The following ARHGAP26 variants were observed in gnomAD, a reference collection of about 807,000 sequenced individuals.
ARHGAP26 encodes Rho GTPase activating protein 26.
ARHGAP26 carries 38 observed loss-of-function variants against 104.8 expected under a neutral mutation model. The observed-to-expected ratio is 0.36, with a 90% CI of 0.28 to 0.48. The LOEUF (loss-of-function observed/expected upper bound fraction) is 0.48, where lower values mean the gene tolerates loss of function less well. Among genes scored for constraint, ARHGAP26 ranks in the 20% least tolerant of loss-of-function variants. The probability of loss-of-function intolerance (pLI) is 0.99; values close to 1 mark genes in which losing one functional copy is unlikely to be tolerated. For synonymous variants in ARHGAP26, 341 were observed against 340.0 expected, an observed-to-expected ratio of 1.00 and a Z score of -0.03; for missense variants, 704 against 947.9, an observed-to-expected ratio of 0.74 and a Z score of 3.38.
chr5:143,132,164 C>T (rs1035599467), intron 18 of ARHGAP26, among the ~76,000 whole-genome samples: 3 of 152,052 alleles, frequency 2.0e-5, no homozygotes, highest in East Asian at 1.9e-4. Context: ...AGCTGTGTTT[C>T]GGAGTGAGAC....
chr5:143,017,614 T>TAATAAATGGTTCTGGGTC (rs1779767177), intron 12 of ARHGAP26, among the ~76,000 whole-genome samples: 1 of 152,246 alleles, frequency 6.6e-6, no homozygotes, highest in Non-Finnish European at 1.5e-5. Flanking sequence ...TGGTGTGTGT[T>TAATAAATGGTTCTGGGTC]AATAAATGGT....
At chr5:142,865,440 G>T (rs7726056) in intron 1 of ARHGAP26, among the ~76,000 whole-genome samples, 3 of 149,622 alleles carry the variant, frequency 2.0e-5, no homozygotes, top group East Asian at 3.9e-4. Context: ...TGTATAAGTC[G>T]TAGTGGGCCC....
At chr5:143,176,473 C>T (rs768698155) in intron 20 of ARHGAP26, among the ~76,000 whole-genome samples, 15 of 152,186 alleles carry the variant, frequency 9.9e-5, no homozygotes, top group Non-Finnish European at 1.3e-4. Flanking sequence ...TGTTTGTTTT[C>T]GAGAGTTTTT....
At chr5:142,876,501 T>C (rs1201166573) in intron 3 of ARHGAP26, among the ~76,000 whole-genome samples, 1 of 151,904 alleles carries the variant, frequency 6.6e-6, no homozygotes, top group East Asian at 1.9e-4. Context: ...GGGGGCCAGG[T>C]GTGGTGGCTC....
At chr5:142,911,332 C>T (rs1021822042) in intron 9 of ARHGAP26, among the ~76,000 whole-genome samples, 1 of 152,168 alleles carries the variant, frequency 6.6e-6, no homozygotes, top group African/African-American at 2.4e-5. Flanking sequence ...GGCTTCTAGC[C>T]ACACCAGCTG....
intron 11 of ARHGAP26, among the ~76,000 whole-genome samples, chr5:142,936,661 A>T (rs1765462468): frequency 1.3e-5 from 2 of 152,182 alleles, no homozygotes; most frequent in Non-Finnish European, 1.5e-5. Flanking sequence ...TGTGGTATTG[A>T]CAGAGGGATA....
chr5:142,875,201 A>G (rs999304668), intron 3 of ARHGAP26, 30 bp downstream of exon 3: 5 of 1,608,276 alleles, frequency 3.1e-6, no homozygotes, highest in Non-Finnish European at 4.3e-6. Flanking sequence ...TCTTGGTCCC[A>G]GATAGTATAT....
intron 11 of ARHGAP26, among the ~76,000 whole-genome samples, chr5:142,969,600 C>T (rs1479488805): frequency 2.6e-5 from 4 of 152,130 alleles, no homozygotes; most frequent in Non-Finnish European, 5.9e-5. Flanking sequence ...GAATAATGTT[C>T]GTTTAACTGA....
At position 143,222,473 on chromosome 5, in the gene ARHGAP26, CT is replaced by C; in HGVS notation, c.*30del. The C allele has an allele frequency of 6.5e-7, 1 of 1,546,786 alleles. No individual in the cohort carries two copies. The highest frequency in any genetic ancestry group is 8.8e-7 in the Non-Finnish European group (1 of 1,134,018). On this transcript the variant is annotated 3_prime_UTR_variant, in exon 23 of 23. Transcript: ENST00000645722. ...CGTGGGCCCCAGCAGAACTGCTGAG[CT>C]TTACATGGTATCCATGACAACTGCT... is the stretch of plus-strand genomic sequence containing the variant.
intron 11 of ARHGAP26, among the ~76,000 whole-genome samples, chr5:143,007,533 A>T (rs1217577813): frequency 6.6e-6 from 1 of 152,206 alleles, no homozygotes; most frequent in African/African-American, 2.4e-5. Flanking sequence ...GTTAATTGGC[A>T]GGCTGTTTTT....
intron 11 of ARHGAP26, among the ~76,000 whole-genome samples, chr5:142,996,657 T>C (rs543309183): frequency 2.6e-5 from 4 of 152,194 alleles, no homozygotes; most frequent in South Asian, 2.1e-4. Flanking sequence ...CCCTTCTTGG[T>C]GGTTGTAGGA....
chr5:142,939,154 T>TA (rs145567832), intron 11 of ARHGAP26, among the ~76,000 whole-genome samples: 1,745 of 152,288 alleles, frequency 0.011, 24 homozygotes, highest in African/African-American at 0.027. Context: ...GAACACTGCC[T>TA]AAAAAAGGCT....
chr5:143,012,576 T>TATACATATATATA (rs1554195628), intron 11 of ARHGAP26, among the ~76,000 whole-genome samples: 1 of 57,030 alleles, frequency 1.8e-5, no homozygotes. Context: ...TATATATATA[T>TATACATATATATA]TATGATCAGG....
chr5:142,789,626 A>G (rs1759381057), intron 1 of ARHGAP26, among the ~76,000 whole-genome samples: 1 of 152,194 alleles, frequency 6.6e-6, no homozygotes, highest in African/African-American at 2.4e-5. Flanking sequence ...CCTTATTTAT[A>G]TAATTGTTTG....
chr5:143,126,440 A>G (rs1796737436), intron 18 of ARHGAP26, among the ~76,000 whole-genome samples: 2 of 152,212 alleles, frequency 1.3e-5, no homozygotes, highest in South Asian at 4.1e-4. Context: ...GGAGGCTAAA[A>G]TGATTATGTC....
chr5:143,003,212 G>C (rs1777433804), intron 11 of ARHGAP26, among the ~76,000 whole-genome samples: 1 of 152,174 alleles, frequency 6.6e-6, no homozygotes, highest in African/African-American at 2.4e-5. Flanking sequence ...ACTGGTTATT[G>C]GGGTGTGACC....
intron 7 of ARHGAP26, 53 bp downstream of exon 7, chr5:142,902,092 A>G: frequency 2.0e-6 from 3 of 1,487,844 alleles, no homozygotes; most frequent in Non-Finnish European, 1.9e-6. Context: ...AAAACAAAAT[A>G]TGGGCCTGAT....
At chr5:142,784,810 G>A (rs990834837) in intron 1 of ARHGAP26, among the ~76,000 whole-genome samples, 2 of 151,834 alleles carry the variant, frequency 1.3e-5, no homozygotes, top group African/African-American at 2.4e-5. Context: ...TCATCTTCAC[G>A]ATTAATATTA....
At chr5:142,935,238 A>T (rs1765244578) in intron 11 of ARHGAP26, among the ~76,000 whole-genome samples, 1 of 152,116 alleles carries the variant, frequency 6.6e-6, no homozygotes, top group African/African-American at 2.4e-5. Context: ...CCTCTTTTGT[A>T]TTGGCTTCAT....
Sources: gnomAD v4.1 joint callset for allele counts (sites outside exome capture counted in the v4.1 genomes callset) on GRCh38, gnomAD v4.1.1 for gene constraint, MANE v1.5 for transcripts, NCBI Gene and HGNC (gene_info 2026-07-23, HGNC 2026-07-21) for gene names.